Variants in GRK5 observed in about 807,000 individuals in gnomAD.
The protein encoded by GRK5 is g protein-coupled receptor kinase GRK5.
GRK5 carries 40 observed loss-of-function variants against 78.4 expected under a neutral mutation model. That is an observed-to-expected ratio of 0.51 (90% confidence interval 0.40 to 0.66). The LOEUF (loss-of-function observed/expected upper bound fraction) is 0.66. Among genes scored for constraint, GRK5 ranks in the 30% least tolerant of loss-of-function variants. The pLI, the probability that GRK5 is intolerant of heterozygous loss-of-function variation, is 0.00. For missense variants in GRK5, 598 were observed against 759.9 expected, an observed-to-expected ratio of 0.79 and a Z score of 2.50; for synonymous variants, 289 against 296.8, an observed-to-expected ratio of 0.97 and a Z score of 0.27.
At chr10:119,352,818 G>A (rs1251189745) in intron 2 of GRK5, among the ~76,000 whole-genome samples, 2 of 152,174 alleles carry the variant, frequency 1.3e-5, no homozygotes, top group South Asian at 2.1e-4. Context: ...CTTTCCACCC[G>A]AATCCTGGAT....
At chr10:119,373,353 CAT>C (rs1419751844) in intron 2 of GRK5, among the ~76,000 whole-genome samples, 1 of 152,156 alleles carries the variant, frequency 6.6e-6, no homozygotes, top group Non-Finnish European at 1.5e-5. Context: ...ATAATTCCCA[CAT>C]GTGTGGGAGG....
At chr10:119,298,374 C>T (rs561865372) in intron 1 of GRK5, among the ~76,000 whole-genome samples, 115 of 152,186 alleles carry the variant, frequency 7.6e-4, no homozygotes, top group African/African-American at 2.7e-3. Flanking sequence ...CAGTCACAGC[C>T]CTGGTGGGCA....
chr10:119,373,430 A>G (rs1851578062), intron 2 of GRK5, among the ~76,000 whole-genome samples: 2 of 152,206 alleles, frequency 1.3e-5, no homozygotes, highest in Non-Finnish European at 2.9e-5. Context: ...ATGATAGTGA[A>G]TAAGTCTCAC....
At chr10:119,337,794 T>A (rs984418853) in intron 2 of GRK5, among the ~76,000 whole-genome samples, 3 of 152,120 alleles carry the variant, frequency 2.0e-5, no homozygotes, top group East Asian at 1.9e-4. Flanking sequence ...TAATTTTTTT[T>A]ATATTTTTAG....
intron 8 of GRK5, 128 bp from the exon 9 acceptor site, chr10:119,436,523 T>G (rs2275039): frequency 0.59 from 528,122 of 887,724 alleles, 160,948 homozygotes; most frequent in Admixed American, 0.64. Context: ...AGAGGCCATC[T>G]GGGTGCAGGG....
chr10:119,281,743 G>C (rs1008270028), intron 1 of GRK5, among the ~76,000 whole-genome samples: 1 of 152,184 alleles, frequency 6.6e-6, no homozygotes, highest in Non-Finnish European at 1.5e-5. Context: ...TGCCATCCCC[G>C]AGCCAGGCCA....
At chr10:119,375,531 G>T (rs1192939850) in intron 2 of GRK5, among the ~76,000 whole-genome samples, 1 of 152,216 alleles carries the variant, frequency 6.6e-6, no homozygotes, top group Non-Finnish European at 1.5e-5. Flanking sequence ...CATAGACATT[G>T]TTATGTGGCT....
chr10:119,254,549 T>C (rs1329043746), intron 1 of GRK5, among the ~76,000 whole-genome samples: 2 of 151,986 alleles, frequency 1.3e-5, no homozygotes. Context: ...GGCTATCTTA[T>C]TTCTGGCCAG....
At chr10:119,327,200 C>A (rs558775505) in intron 2 of GRK5, among the ~76,000 whole-genome samples, 123 of 152,280 alleles carry the variant, frequency 8.1e-4, no homozygotes, top group African/African-American at 2.9e-3. Context: ...GCTTAGCCCC[C>A]TGTATCCAGC....
chr10:119,457,884 G>GC lies in GRK5; in HGVS notation c.*2817_*2818insC, dbSNP rs977762851. ...AAAATTTTTTGTAGAGATGGGGGGG[G>GC]GGTCTCCCCATGTTGCCCAGGCTGG... On this transcript the variant is annotated 3_prime_UTR_variant, in exon 16 of 16. Coordinates refer to ENST00000392870, the MANE Select transcript of GRK5 (RefSeq NM_005308.3). 1 of 149,168 alleles carries GC rather than the reference G, an allele frequency of 6.7e-6. No individual in the cohort carries two copies. 9.2% of individuals were successfully genotyped at this position (149,168 alleles called of 1,614,324 possible). A position where few individuals can be genotyped will look rare whatever the true frequency, so the allele number is the denominator to read the frequency against.
intron 13 of GRK5, among the ~76,000 whole-genome samples, chr10:119,451,631 G>A (rs1853289465): frequency 6.6e-6 from 1 of 152,214 alleles, no homozygotes; most frequent in African/African-American, 2.4e-5. Context: ...TCGCAGCTCT[G>A]CAACTGGACA....
intron 1 of GRK5, among the ~76,000 whole-genome samples, chr10:119,301,246 C>A (rs1253409382): frequency 1.3e-5 from 2 of 152,188 alleles, no homozygotes; most frequent in Non-Finnish European, 2.9e-5. Context: ...CCTTCCAGGC[C>A]CCATCTACCT....
At chr10:119,288,506 T>TGCTGAG (rs1378444408) in intron 1 of GRK5, among the ~76,000 whole-genome samples, 5 of 152,242 alleles carry the variant, frequency 3.3e-5, no homozygotes, top group South Asian at 2.1e-4. Context: ...CTTTAGCTAC[T>TGCTGAG]GCTGAGATGC....
At chr10:119,408,443 CA>C (rs1852281376) in intron 4 of GRK5, among the ~76,000 whole-genome samples, 1 of 149,072 alleles carries the variant, frequency 6.7e-6, no homozygotes, top group South Asian at 2.1e-4. Flanking sequence ...AAAATGGCAA[CA>C]ACCAAAGTAT....
At chr10:119,309,533 C>T (rs871197) in intron 1 of GRK5, among the ~76,000 whole-genome samples, 4 of 152,232 alleles carry the variant, frequency 2.6e-5, no homozygotes, top group African/African-American at 9.6e-5. Context: ...GTAATGGCGA[C>T]AGCTCACATT....
chr10:119,422,453 G>T (rs968267409), intron 4 of GRK5, among the ~76,000 whole-genome samples: 5 of 152,188 alleles, frequency 3.3e-5, no homozygotes, highest in African/African-American at 1.2e-4. Flanking sequence ...ATTCCTGATT[G>T]TCTTCCTGAC....
intron 1 of GRK5, among the ~76,000 whole-genome samples, chr10:119,249,830 G>C (rs949889542): frequency 2.4e-4 from 36 of 152,192 alleles, no homozygotes; most frequent in African/African-American, 8.7e-4. Context: ...GCTCAAAAAA[G>C]TTTACTATTA....
At chr10:119,309,948 A>G (rs557275923) in intron 1 of GRK5, among the ~76,000 whole-genome samples, 1 of 152,016 alleles carries the variant, frequency 6.6e-6, no homozygotes, top group South Asian at 2.1e-4. Context: ...AAACAAATCT[A>G]CTTTACTGTA....
intron 1 of GRK5, among the ~76,000 whole-genome samples, chr10:119,278,264 A>C (rs1210090526): frequency 6.6e-6 from 1 of 151,756 alleles, no homozygotes; most frequent in Non-Finnish European, 1.5e-5. Context: ...CTGTTCTCTC[A>C]GGGCTAGCTT....
Sources: allele counts gnomAD v4.1 joint callset (sites outside exome capture counted in the v4.1 genomes callset), GRCh38; gene constraint gnomAD v4.1.1; transcripts MANE v1.5; gene names NCBI Gene and HGNC (gene_info 2026-07-23, HGNC 2026-07-21).